RGS3: variants seen among roughly 807,000 people sequenced by gnomAD.
RGS3 encodes the protein regulator of G-protein signalling 3.
Under a neutral mutation model 132.6 loss-of-function variants are expected in RGS3, and 80 were observed. The ratio of observed to expected loss-of-function variants is 0.60; its 90% confidence interval spans 0.50 to 0.73. RGS3 has a LOEUF of 0.73. RGS3 is among the 30% of genes least tolerant of loss of function. RGS3 has a pLI of 0.00. For missense variants in RGS3, 1,382 were observed against 1,530.8 expected (o/e 0.90, Z 1.62); for synonymous variants, 598 against 620.6 (o/e 0.96, Z 0.54).
rs1033881927 is a variant in RGS3 at position 113,461,047 on chromosome 9, G to A, written c.81-660G>A. On this transcript the variant is annotated intron_variant, in intron 1 of 24. Coordinates refer to ENST00000350696, the Ensembl canonical transcript of RGS3. The stretch of plus-strand genomic sequence containing the variant: ...TATATGCATAGGATGCATATATAAT[G>A]TGTGGGGTGTGTTTGTATATGTATG... Among the ~76,000 whole-genome samples, 20 of 152,152 alleles carry A rather than the reference G, an allele frequency of 1.3e-4. 1 individual carries two copies. Among genetic ancestry groups the A allele is most frequent in the Admixed American group, 9.2e-4 (14 of 15,276 alleles).
intron 6 of RGS3, 95 bp downstream of exon 4, chr9:113,484,327 CAAAAAA>C (rs775299940): frequency 4.7e-5 from 4 of 85,288 alleles, no homozygotes; most frequent in Non-Finnish European, 8.1e-5. Context: ...TAGATCTATG[CAAAAAA>C]AAAAAAAAAA....
At chr9:113,523,011 C>T (rs751209745) in exon 17 of RGS3, 2 of 1,613,750 alleles carry the variant, frequency 1.2e-6, no homozygotes, top group Non-Finnish European at 1.7e-6. Context: ...GAGGAACCCC[C>T]TCTACCTCCA....
At chr9:113,455,429 C>G (rs183364332), upstream of RGS3, among the ~76,000 whole-genome samples, 86 of 152,320 alleles carry the variant, frequency 5.6e-4, no homozygotes, top group African/African-American at 1.9e-3. Flanking sequence ...GGCTTCCAGC[C>G]TAACTGCGAG....
intron 1 of RGS3, among the ~76,000 whole-genome samples, chr9:113,446,123 TTAGA>T (rs1829094303): frequency 6.6e-6 from 1 of 152,210 alleles, no homozygotes; most frequent in African/African-American, 2.4e-5. Context: ...ACCTCTGGCC[TTAGA>T]TAGAAATGAT....
chr9:113,446,603 A>C (rs1829104366), intron 1 of RGS3, among the ~76,000 whole-genome samples: 1 of 152,214 alleles, frequency 6.6e-6, no homozygotes, highest in Non-Finnish European at 1.5e-5. Flanking sequence ...ACATATGTAA[A>C]TTTAAATGCT....
intron 19 of RGS3, among the ~76,000 whole-genome samples, chr9:113,571,545 TC>T (rs1419679250): frequency 6.6e-6 from 1 of 152,110 alleles, no homozygotes; most frequent in Non-Finnish European, 1.5e-5. Context: ...TTCAAGTCTT[TC>T]CCCCATTTTC....
At chr9:113,513,356 T>TTC (rs1313495965) in intron 14 of RGS3, among the ~76,000 whole-genome samples, 5 of 151,894 alleles carry the variant, frequency 3.3e-5, no homozygotes, top group Non-Finnish European at 1.5e-5. Flanking sequence ...GTTTCTCTGT[T>TTC]TCTCTCTCTC....
At chr9:113,461,618 G>C in intron 1 of RGS3, 2 of 1,339,616 alleles carry the variant, frequency 1.5e-6, no homozygotes, top group Non-Finnish European at 2.1e-6. Flanking sequence ...TGGGGCAGGA[G>C]TCAGGAGGGG....
chr9:113,569,637 C>CCTTCCTTCCTTCCTTCCTTA (rs1564584352), intron 19 of RGS3, among the ~76,000 whole-genome samples: 7 of 149,994 alleles, frequency 4.7e-5, no homozygotes, highest in African/African-American at 1.7e-4. Context: ...TTCCTTCCTT[C>CCTTCCTTCCTTCCTTCCTTA]CTTCCCTCCT....
At chr9:113,492,627 C>T (rs1197414145) in intron 7 of RGS3, among the ~76,000 whole-genome samples, 6 of 152,234 alleles carry the variant, frequency 3.9e-5, no homozygotes, top group African/African-American at 1.2e-4. Context: ...GGCTTGGTTC[C>T]GGAGACTTTG....
chr9:113,484,730 A>T (rs1830276571), intron 6 of RGS3, among the ~76,000 whole-genome samples: 1 of 152,196 alleles, frequency 6.6e-6, no homozygotes, highest in Admixed American at 6.5e-5. Flanking sequence ...ATAACATAAC[A>T]CAGGGTACCA....
At chr9:113,512,365 TC>T (rs1831442931) in intron 14 of RGS3, among the ~76,000 whole-genome samples, 1 of 152,166 alleles carries the variant, frequency 6.6e-6, no homozygotes, top group South Asian at 2.1e-4. Context: ...CCTGTGCCCA[TC>T]CAGGGCTCAT....
In RGS3 at chr9:113,460,779, T is replaced by C. The variant is rs537354084; in HGVS notation, c.80+443T>C. Among the ~76,000 whole-genome samples, 5 of 152,326 alleles carry C rather than the reference T, an allele frequency of 3.3e-5. No homozygotes were observed. In the East Asian group the frequency reaches 7.7e-4, roughly 23 times the overall value. On this transcript the variant is annotated intron_variant, in intron 1 of 24. Coordinates refer to ENST00000350696, the Ensembl canonical transcript of RGS3. ...TTGGTTATTATTGGGCTAGATGATA[T>C]CTTAAAGTCACTAAGATTCTTTGAG...
chr9:113,483,344 G>A (rs1411933341), intron 5 of RGS3, among the ~76,000 whole-genome samples: 6 of 152,174 alleles, frequency 3.9e-5, no homozygotes, highest in Admixed American at 2.6e-4. Context: ...TCTTAAGGGC[G>A]ATCTTGGTCA....
intron 14 of RGS3, 102 bp downstream of exon 12, chr9:113,508,682 A>G (rs1831260677): frequency 5.0e-6 from 6 of 1,189,700 alleles, no homozygotes; most frequent in Non-Finnish European, 7.4e-6. Context: ...GGCCTTTCCA[A>G]TGGAGTCAGG....
chr9:113,448,663 C>G (rs996134051), intron 1 of RGS3, among the ~76,000 whole-genome samples: 1 of 152,230 alleles, frequency 6.6e-6, no homozygotes. Context: ...AGAGCTCTCT[C>G]TGTCTTCACT....
At chr9:113,535,851 C>T (rs566707702) in intron 18 of RGS3, among the ~76,000 whole-genome samples, 34 of 152,230 alleles carry the variant, frequency 2.2e-4, no homozygotes, top group Middle Eastern at 6.8e-3. Flanking sequence ...TGAGAGTACC[C>T]GGTTGTGGGT....
intron 7 of RGS3, among the ~76,000 whole-genome samples, chr9:113,487,220 T>C (rs962806097): frequency 6.7e-6 from 1 of 149,736 alleles, no homozygotes; most frequent in Non-Finnish European, 1.5e-5. Flanking sequence ...CACGCCATTC[T>C]CCTGCCTCAG....
intron 1 of RGS3, among the ~76,000 whole-genome samples, chr9:113,454,355 C>A (rs1017876442): frequency 6.6e-6 from 1 of 152,066 alleles, no homozygotes; most frequent in Non-Finnish European, 1.5e-5. Context: ...TGCCTGTAAT[C>A]CCAGCACTTT....
Sources: allele counts gnomAD v4.1 joint callset (sites outside exome capture counted in the v4.1 genomes callset), GRCh38; gene constraint gnomAD v4.1.1; transcripts MANE v1.5; gene names NCBI Gene and HGNC (gene_info 2026-07-23, HGNC 2026-07-21).